The following SCHIP1 variants were observed in gnomAD, a reference collection of about 807,000 sequenced individuals.
SCHIP1 encodes schwannomin-interacting protein 1.
In SCHIP1, 8 loss-of-function variants were observed where a neutral mutation model predicts 29.7. The ratio of observed to expected loss-of-function variants is 0.27; its 90% CI spans 0.16 to 0.49. The LOEUF is 0.49. Ranked by LOEUF, SCHIP1 falls within the 20% of genes least tolerant of loss-of-function variation. The pLI is 0.99. For synonymous variants in SCHIP1, 76 were observed against 94.9 expected (o/e 0.80, Z 1.16); for missense variants, 193 against 294.6 (o/e 0.66, Z 2.52).
chr3:159,290,880 A>C, the SCHIP1 span, among the ~76,000 whole-genome samples: 1 of 152,168 alleles, frequency 6.6e-6, no homozygotes, highest in Non-Finnish European at 1.5e-5. Context: ...GTATAAAGCT[A>C]AAACATTATG....
the SCHIP1 span, among the ~76,000 whole-genome samples, chr3:159,805,929 G>A: frequency 3.3e-5 from 5 of 151,208 alleles, no homozygotes; most frequent in Admixed American, 6.6e-5. Flanking sequence ...CTGCCTCAGC[G>A]TCCCGAGTAG....
the SCHIP1 span, among the ~76,000 whole-genome samples, chr3:159,739,017 CCT>C: frequency 6.6e-6 from 1 of 152,134 alleles, no homozygotes; most frequent in East Asian, 1.9e-4. Flanking sequence ...GGTGCTGCAA[CCT>C]CTCTATTTCT....
chr3:159,306,562 G>A, the SCHIP1 span: 1 of 904,174 alleles, frequency 1.1e-6, no homozygotes, highest in African/African-American at 1.8e-5. Context: ...GAATTATACT[G>A]AGCGCCTAAA....
the SCHIP1 span, among the ~76,000 whole-genome samples, chr3:159,356,378 A>G: frequency 1.3e-5 from 2 of 152,286 alleles, no homozygotes; most frequent in East Asian, 3.9e-4. Flanking sequence ...TAATGAGACC[A>G]TATATTTCCT....
the SCHIP1 span, among the ~76,000 whole-genome samples, chr3:159,535,855 T>C: frequency 6.6e-6 from 1 of 152,160 alleles, no homozygotes; most frequent in Non-Finnish European, 1.5e-5. Context: ...CAACTGTTTA[T>C]AAATGTAAAA....
the SCHIP1 span, among the ~76,000 whole-genome samples, chr3:159,706,100 A>T: frequency 1.3e-5 from 2 of 152,198 alleles, no homozygotes; most frequent in African/African-American, 4.8e-5. Context: ...AGCTTGAAAG[A>T]GCACTACACA....
the SCHIP1 span, among the ~76,000 whole-genome samples, chr3:159,310,791 A>C: frequency 6.6e-6 from 1 of 152,178 alleles, no homozygotes; most frequent in Non-Finnish European, 1.5e-5. Context: ...ATTAATTCTC[A>C]TGAAAGGTTA....
chr3:159,483,608 C>G, the SCHIP1 span, among the ~76,000 whole-genome samples: 2 of 152,094 alleles, frequency 1.3e-5, no homozygotes, highest in Non-Finnish European at 2.9e-5. Context: ...TAAAATATAA[C>G]TTACTTTTTA....
the SCHIP1 span, among the ~76,000 whole-genome samples, chr3:159,834,750 C>T: frequency 6.6e-6 from 1 of 152,096 alleles, no homozygotes; most frequent in African/African-American, 2.4e-5. Flanking sequence ...AAAATGAAGT[C>T]AAAACTTTGT....
At chr3:159,468,448 C>T in the SCHIP1 span, among the ~76,000 whole-genome samples, 10 of 151,900 alleles carry the variant, frequency 6.6e-5, no homozygotes, top group African/African-American at 2.2e-4. Context: ...CAACCATTCA[C>T]AGAGTGATTT....
In SCHIP1 at chr3:159,892,436, G is replaced by A. The variant is rs555174786; in HGVS notation, c.683+246G>A. ...TCAGTGCATTACTTCTCACATCTCCGCCTAAATCAGGTCTAGTTCTGGTTT... is the reference window on the plus strand; with the variant it reads ...TCAGTGCATTACTTCTCACATCTCCACCTAAATCAGGTCTAGTTCTGGTTT... On this transcript the variant is annotated intron_variant, in intron 6 of 6. Coordinates refer to ENST00000445224, the Ensembl canonical transcript of SCHIP1. 1.2e-4 allele frequency: 70 copies of A among 593,440 alleles called. 1 individual carries two copies. The Middle Eastern group carries it at 1.3e-3, about 11-fold the overall frequency. 36.8% of individuals were successfully genotyped at this position (593,440 alleles called of 1,614,324 possible).
the SCHIP1 span, among the ~76,000 whole-genome samples, chr3:159,378,679 G>A: frequency 3.9e-5 from 6 of 152,102 alleles, no homozygotes; most frequent in Admixed American, 2.0e-4. Context: ...AGCTCTCTCA[G>A]GCAGAAAAGC....
At chr3:159,478,718 CTTTT>C in the SCHIP1 span, among the ~76,000 whole-genome samples, 1 of 152,066 alleles carries the variant, frequency 6.6e-6, no homozygotes, top group Non-Finnish European at 1.5e-5. Context: ...CATGAAATAT[CTTTT>C]TATTTATTTG....
chr3:159,646,322 C>G, the SCHIP1 span, among the ~76,000 whole-genome samples: 1 of 152,128 alleles, frequency 6.6e-6, no homozygotes, highest in Admixed American at 6.6e-5. Flanking sequence ...CCACATGCCT[C>G]CCAGAGCCTC....
the SCHIP1 span, among the ~76,000 whole-genome samples, chr3:159,623,869 C>G: frequency 6.6e-6 from 1 of 152,104 alleles, no homozygotes; most frequent in Non-Finnish European, 1.5e-5. Flanking sequence ...CGTTTTCTTT[C>G]TCTCACAAAA....
At chr3:159,581,421 A>C in the SCHIP1 span, among the ~76,000 whole-genome samples, 1 of 152,216 alleles carries the variant, frequency 6.6e-6, no homozygotes, top group Non-Finnish European at 1.5e-5. Context: ...CCTATAAGAG[A>C]AAACTTTTAG....
the SCHIP1 span, among the ~76,000 whole-genome samples, chr3:159,827,322 C>T: frequency 6.6e-6 from 1 of 152,128 alleles, no homozygotes; most frequent in African/African-American, 2.4e-5. Context: ...AATAGCATTT[C>T]AGCACTACCT....
At chr3:159,870,141 T>G (rs1336325412) in intron 2 of SCHIP1, among the ~76,000 whole-genome samples, 1 of 152,028 alleles carries the variant, frequency 6.6e-6, no homozygotes, top group Non-Finnish European at 1.5e-5. Context: ...GTAGATTCCC[T>G]GGGATTTTTA....
At chr3:159,653,744 T>C in the SCHIP1 span, among the ~76,000 whole-genome samples, 1 of 130,024 alleles carries the variant, frequency 7.7e-6, no homozygotes, top group East Asian at 2.3e-4. Flanking sequence ...TCCCGGAACT[T>C]AAAGTAAAAA....
Sources: gnomAD v4.1 joint callset for allele counts (sites outside exome capture counted in the v4.1 genomes callset) on GRCh38, gnomAD v4.1.1 for gene constraint, MANE v1.5 for transcripts, NCBI Gene and HGNC (gene_info 2026-07-23, HGNC 2026-07-21) for gene names.